Variants in NECTIN2 observed in about 807,000 individuals in gnomAD.
NECTIN2 encodes the protein nectin-2.
Under a neutral mutation model 56.9 loss-of-function variants are expected in NECTIN2, and 23 were observed. That is an observed-to-expected ratio of 0.40 (90% CI 0.29 to 0.57). The LOEUF (loss-of-function observed/expected upper bound fraction) is 0.57, where lower values mean the gene tolerates loss of function less well. NECTIN2 is among the 20% of genes least tolerant of loss of function. The pLI, the probability that NECTIN2 is intolerant of heterozygous loss-of-function variation, is 0.38. For missense variants in NECTIN2, 587 were observed against 718.3 expected (o/e 0.82, Z 2.09); for synonymous variants, 302 against 313.8 (o/e 0.96, Z 0.40).
intron 5 of NECTIN2, among the ~76,000 whole-genome samples, chr19:44,881,230 G>A (rs922187217): frequency 3.9e-5 from 6 of 152,178 alleles, no homozygotes; most frequent in Middle Eastern, 3.4e-3. Flanking sequence ...CTGATAAGTG[G>A]AAGGAGATTC....
chr19:44,847,437 G>A (rs930466493), intron 1 of NECTIN2, among the ~76,000 whole-genome samples: 2 of 152,172 alleles, frequency 1.3e-5, no homozygotes, highest in African/African-American at 2.4e-5. Context: ...CGGGGGACAG[G>A]AGACTCGATC....
At chr19:44,868,466 C>CTTTT (rs71338735) in intron 2 of NECTIN2, among the ~76,000 whole-genome samples, 80 of 133,502 alleles carry the variant, frequency 6.0e-4, no homozygotes, top group African/African-American at 7.8e-4. Flanking sequence ...TTTCCTTTTT[C>CTTTT]TTTTTTTTTT....
At chr19:44,853,832 T>G (rs1398112576) in intron 1 of NECTIN2, among the ~76,000 whole-genome samples, 1 of 152,200 alleles carries the variant, frequency 6.6e-6, no homozygotes, top group East Asian at 1.9e-4. Flanking sequence ...ACTGAGCATC[T>G]ACTAGGTACC....
At chr19:44,866,944 G>A (rs1251027196) in intron 2 of NECTIN2, among the ~76,000 whole-genome samples, 1 of 152,154 alleles carries the variant, frequency 6.6e-6, no homozygotes, top group African/African-American at 2.4e-5. Flanking sequence ...AGGCCGAGGT[G>A]GGAGGATCCC....
At position 44,874,486 on chromosome 19, in the gene NECTIN2, G is replaced by A; in HGVS notation, c.1042+8G>A. On this transcript the variant is annotated splice_region_variant and intron_variant, in intron 5 of 8. Transcript: ENST00000252483. This position sits in a 1 kb window ranked among gnomAD's most constrained non-coding sequence, Gnocchi z 6.3. ...AGGTCATCTTTGTCCGAGGTGAGTG[G>A]GTCTTGGGGGCCGTGTGTGGAGACC... 6.2e-7 allele frequency: 1 copy of A among 1,612,576 alleles called. No individual in the cohort carries two copies.
At chr19:44,885,029 T>G (rs1306943095) in intron 6 of NECTIN2, among the ~76,000 whole-genome samples, 3 of 152,104 alleles carry the variant, frequency 2.0e-5, no homozygotes. Flanking sequence ...GGAGTTTCGC[T>G]CTTTTTTCCC....
chr19:44,878,242 C>T (rs1245140576), intron 5 of NECTIN2: 1 of 794,176 alleles, frequency 1.3e-6, no homozygotes, highest in Admixed American at 2.4e-5. Flanking sequence ...GGGCCTCGCC[C>T]CGAGATGTGG....
intron 1 of NECTIN2, among the ~76,000 whole-genome samples, chr19:44,858,203 A>G (rs558724722): frequency 6.6e-6 from 1 of 151,542 alleles, no homozygotes; most frequent in Admixed American, 6.6e-5. Context: ...GAAAAGCCTC[A>G]TTTTTCCCCC....
intron 8 of NECTIN2, among the ~76,000 whole-genome samples, chr19:44,887,837 C>T (rs570309328): frequency 6.6e-6 from 1 of 152,168 alleles, no homozygotes; most frequent in Admixed American, 6.6e-5. Flanking sequence ...GAGGTCAAGA[C>T]TGAGGTGAAA....
In NECTIN2 at chr19:44,853,474, C is replaced by T. The variant is rs1276850305; in HGVS notation, c.88+6861C>T. 4.1e-5 allele frequency among the ~76,000 whole-genome samples: 6 copies of T among 147,646 alleles called. No homozygotes were observed. The East Asian group carries it at 8.1e-4, about 20-fold the overall frequency. ...CCTCCCAAAGTGCTGGGTTTACAGG[C>T]GTGAGCCACCACAGCTGGCCCTTTT... is the stretch of plus-strand genomic sequence containing the variant. On this transcript the variant is annotated intron_variant, in intron 1 of 8. Coordinates refer to ENST00000252483, the MANE Select transcript of NECTIN2 (RefSeq NM_001042724.2).
intron 1 of NECTIN2, among the ~76,000 whole-genome samples, chr19:44,850,919 G>A (rs1599906251): frequency 6.6e-6 from 1 of 152,148 alleles, no homozygotes; most frequent in African/African-American, 2.4e-5. Flanking sequence ...AGGCTGGGTC[G>A]CTGTGCTTTA....
chr19:44,857,449 T>C (rs530434332), intron 1 of NECTIN2, among the ~76,000 whole-genome samples: 3 of 151,816 alleles, frequency 2.0e-5, no homozygotes, highest in Admixed American at 6.6e-5. Context: ...TTGCCCAGGC[T>C]GGAGTGTAGT....
At chr19:44,878,451 C>T in intron 5 of NECTIN2, 1 of 1,604,404 alleles carries the variant, frequency 6.2e-7, no homozygotes, top group Non-Finnish European at 8.5e-7. Context: ...GTCTTCTGGA[C>T]ACCAGTAGTC....
In NECTIN2 at chr19:44,865,566, C is replaced by A; in HGVS notation, c.384C>A (p.His128Gln). 1 of 1,556,090 alleles carries A rather than the reference C, an allele frequency of 6.4e-7. No homozygotes were observed. Among genetic ancestry groups the A allele is most frequent in the Non-Finnish European group, 8.7e-7 (1 of 1,152,418 alleles). ...TCCAGGACGCCACGCTGGCCCTCCA[C>A]GGGCTCACGGTGGAGGACGAGGGCA... ...AELQDATLAL[H>Q]GLTVEDEGNY... The change falls in exon 2 of 9, where the codon CAC (histidine) becomes CAA (glutamine). Residue 128 changes from histidine (H) to glutamine (Q), a missense_variant. Coordinates refer to ENST00000252483, the MANE Select transcript of NECTIN2 (RefSeq NM_001042724.2). This position sits in a 1 kb window ranked among gnomAD's most constrained non-coding sequence, Gnocchi z 5.2.
At position 44,865,146 on chromosome 19, in the gene NECTIN2, C is replaced by T. The variant is rs529921997; in HGVS notation, c.89-125C>T. 8.5e-6 allele frequency: 9 copies of T among 1,064,558 alleles called. No individual in the cohort carries two copies. Among genetic ancestry groups the T allele is most frequent in the Middle Eastern group, 3.2e-4 (1 of 3,112 alleles). 65.9% of individuals were successfully genotyped at this position (1,064,558 alleles called of 1,614,324 possible). ...TGGCTTTTTTGGAATCAGGATGCTG[C>T]GAAGCTGCCTACGTTGCATGCGGAG... is the stretch of plus-strand genomic sequence containing the variant. On this transcript the variant is annotated intron_variant, in intron 1 of 8. Transcript: ENST00000252483. This position sits in a 1 kb window ranked among gnomAD's most constrained non-coding sequence, Gnocchi z 5.2.
intron 2 of NECTIN2, among the ~76,000 whole-genome samples, chr19:44,868,301 T>C (rs1256197772): frequency 2.0e-5 from 3 of 146,584 alleles, no homozygotes; most frequent in African/African-American, 7.6e-5. Flanking sequence ...AAGCAGAGAT[T>C]GCAAGTGAGC....
intron 1 of NECTIN2, among the ~76,000 whole-genome samples, chr19:44,864,827 CAA>C (rs1209066604): frequency 6.9e-6 from 1 of 144,468 alleles, no homozygotes; most frequent in African/African-American, 2.5e-5. Flanking sequence ...GACTCCGTCT[CAA>C]AAAAAAAAAG....
In NECTIN2 at chr19:44,888,477, G is replaced by C; in HGVS notation, c.*98G>C. ...CTGACCTCTGGCCAGGCCACTGTCA[G>C]TTAACACATATGCATTCCATTTGTG... On this transcript the variant is annotated 3_prime_UTR_variant, in exon 9 of 9. Coordinates refer to ENST00000252483, the MANE Select transcript of NECTIN2 (RefSeq NM_001042724.2). 1.5e-6 allele frequency: 2 copies of C among 1,316,668 alleles called. No individual in the cohort carries two copies. The highest frequency in any genetic ancestry group is 5.0e-5 in the East Asian group (2 of 40,098). The allele number at this position is 1,316,668 out of a possible 1,614,324, so 81.6% of individuals were successfully genotyped here. A position where few individuals can be genotyped will look rare whatever the true frequency, so the allele number is the denominator to read the frequency against.
chr19:44,888,052 GT>G (rs1327125424), intron 8 of NECTIN2, 57 bp from the exon 9 acceptor site: 2 of 1,554,920 alleles, frequency 1.3e-6, no homozygotes, highest in Non-Finnish European at 1.8e-6. Flanking sequence ...GAGCAGATTG[GT>G]AATCTGTGTC....
Sources: gnomAD v4.1 joint callset for allele counts (sites outside exome capture counted in the v4.1 genomes callset) on GRCh38, gnomAD v4.1.1 for gene constraint, Gnocchi (gnomAD v3.1) non-coding constraint, MANE v1.5 for transcripts, NCBI Gene and HGNC (gene_info 2026-07-23, HGNC 2026-07-21) for gene names.